Variants in NECAB1 observed in about 807,000 individuals in gnomAD.
NECAB1 encodes N-terminal EF-hand calcium binding protein 1, also known as N-terminal EF-hand calcium-binding protein 1.
In NECAB1, 29 loss-of-function variants were observed where a neutral mutation model predicts 57.5. That is an observed-to-expected ratio of 0.50 (90% CI 0.38 to 0.69). The LOEUF is 0.69. NECAB1 is among the 30% of genes least tolerant of loss of function. The pLI is 0.00. For missense variants in NECAB1, 372 were observed against 413.8 expected, an observed-to-expected ratio of 0.90 and a Z score of 0.88; for synonymous variants, 142 against 147.7, an observed-to-expected ratio of 0.96 and a Z score of 0.28.
intron 6 of NECAB1, among the ~76,000 whole-genome samples, chr8:90,922,217 T>C (rs571920310): frequency 1.3e-5 from 2 of 152,370 alleles, no homozygotes; most frequent in East Asian, 3.9e-4. Flanking sequence ...GTTTTCATTA[T>C]ATGTGGATTT....
intron 3 of NECAB1, among the ~76,000 whole-genome samples, chr8:90,827,138 T>A (rs1359984008): frequency 6.6e-6 from 1 of 152,044 alleles, no homozygotes; most frequent in Non-Finnish European, 1.5e-5. Flanking sequence ...CTTTGCATGA[T>A]CCAAGTTTTA....
At chr8:90,808,019 T>A (rs1300590498) in intron 2 of NECAB1, among the ~76,000 whole-genome samples, 1 of 60,716 alleles carries the variant, frequency 1.6e-5, no homozygotes, top group South Asian at 5.5e-4. Context: ...ATAGTATGAC[T>A]TTTTTTTTCT....
intron 2 of NECAB1, among the ~76,000 whole-genome samples, chr8:90,808,963 T>C (rs1811906730): frequency 6.6e-6 from 1 of 152,056 alleles, no homozygotes; most frequent in South Asian, 2.1e-4. Context: ...CTAATTCTTA[T>C]TCTTATTTGG....
At chr8:90,860,846 C>G (rs1188365880) in intron 3 of NECAB1, among the ~76,000 whole-genome samples, 1 of 152,014 alleles carries the variant, frequency 6.6e-6, no homozygotes, top group African/African-American at 2.4e-5. Flanking sequence ...GGAGCAGGAA[C>G]AAAGCTATGA....
intron 3 of NECAB1, among the ~76,000 whole-genome samples, chr8:90,851,858 A>G (rs970654386): frequency 6.6e-6 from 1 of 152,156 alleles, no homozygotes; most frequent in Non-Finnish European, 1.5e-5. Flanking sequence ...AATTTATAAT[A>G]ACATGTACCC....
At chr8:90,874,394 A>G (rs1228179101) in intron 4 of NECAB1, among the ~76,000 whole-genome samples, 1 of 152,196 alleles carries the variant, frequency 6.6e-6, no homozygotes, top group Non-Finnish European at 1.5e-5. Context: ...ATGTGTTTGT[A>G]ATTTTAATTG....
chr8:90,839,579 A>G (rs1812423013), intron 3 of NECAB1, among the ~76,000 whole-genome samples: 1 of 152,226 alleles, frequency 6.6e-6, no homozygotes, highest in African/African-American at 2.4e-5. Flanking sequence ...AGGACCTCTT[A>G]GAGAAGCCAT....
chr8:90,943,407 TCAGA>T, intron 10 of NECAB1, among the ~76,000 whole-genome samples: 2 of 152,194 alleles, frequency 1.3e-5, no homozygotes, highest in Admixed American at 1.3e-4. Context: ...GTAGACTATA[TCAGA>T]TGGAATGAGC....
At chr8:90,933,797 A>C (rs144850462) in intron 8 of NECAB1, among the ~76,000 whole-genome samples, 142 of 152,278 alleles carry the variant, frequency 9.3e-4, no homozygotes, top group Non-Finnish European at 1.7e-3. Context: ...GCAAATGTCA[A>C]TCGTATTTTC....
At chr8:90,794,716 T>C (rs949710102) in intron 1 of NECAB1, among the ~76,000 whole-genome samples, 3 of 152,200 alleles carry the variant, frequency 2.0e-5, no homozygotes, top group Admixed American at 2.0e-4. Context: ...GTTGTGAGTA[T>C]GAAATAAGGG....
chr8:90,895,164 G>C (rs2129981463), intron 5 of NECAB1, among the ~76,000 whole-genome samples: 1 of 152,204 alleles, frequency 6.6e-6, no homozygotes. Flanking sequence ...AAATATAAAG[G>C]AACAACTAAA....
chr8:90,801,756 A>G (rs1273184528), intron 2 of NECAB1, 41 bp downstream of exon 2: 4 of 1,274,550 alleles, frequency 3.1e-6, no homozygotes, highest in Non-Finnish European at 4.4e-6. Flanking sequence ...TTAATCTCTT[A>G]CATTTTATAT....
In NECAB1 at chr8:90,917,517, A is replaced by G. The variant is rs753930235; in HGVS notation, c.383A>G (p.Glu128Gly). ...GACTACCAAGAAGCCTCCAATTTGG[A>G]ACAATTCGTAACTAGATTTTTATTG... ...KKDYQEASNL[E>G]QFVTRFLLKE... Residue 128 changes from glutamate (E) to glycine (G), a missense_variant, in exon 6 of 13, where the codon GAA becomes GGA. By Grantham distance (98) the Glu-to-Gly change is moderately conservative. Transcript: ENST00000417640. 4 of 1,610,938 alleles carry G rather than the reference A, an allele frequency of 2.5e-6. No homozygotes were observed. Among genetic ancestry groups the G allele is most frequent in the Non-Finnish European group, 3.4e-6 (4 of 1,178,172 alleles).
chr8:90,906,885 A>ATATGTATATATATATATATGTG (rs1554574058), intron 5 of NECAB1, among the ~76,000 whole-genome samples: 1 of 120,926 alleles, frequency 8.3e-6, no homozygotes, highest in African/African-American at 3.5e-5. Context: ...ACATATATAT[A>ATATGTATATATATATATATGTG]TATATATATA....
intron 2 of NECAB1, among the ~76,000 whole-genome samples, chr8:90,805,323 A>G (rs1338797305): frequency 6.6e-6 from 1 of 152,166 alleles, no homozygotes; most frequent in Non-Finnish European, 1.5e-5. Context: ...TTGGTGACAG[A>G]ATAACGAAAG....
intron 12 of NECAB1, among the ~76,000 whole-genome samples, chr8:90,953,380 A>C (rs1810957549): frequency 6.6e-6 from 1 of 152,220 alleles, no homozygotes; most frequent in South Asian, 2.1e-4. Context: ...AGCATTTCCT[A>C]ATTTAGAAAG....
chr8:90,824,850 T>G (rs1450954544), intron 3 of NECAB1, 25 bp downstream of exon 3: 8 of 1,211,888 alleles, frequency 6.6e-6, no homozygotes, highest in Middle Eastern at 1.9e-4. Flanking sequence ...TATCACTGGA[T>G]TCCACAAGTG....
Position 90,855,452 on chromosome 8 carries a change from G to A in NECAB1, c.234-16676G>A, listed in dbSNP as rs115248977. On this transcript the variant is annotated intron_variant, in intron 3 of 12. Transcript: ENST00000417640. ...GAGATATGCAAAAAGGCATGAACTG[G>A]TTGGATTAAGGAGTCATTATGGTCC... Among the ~76,000 whole-genome samples, 525 of 152,280 alleles carry A rather than the reference G, an allele frequency of 3.4e-3. 4 individuals are homozygous for A. Among genetic ancestry groups the A allele is most frequent in the African/African-American group, 0.012 (486 of 41,552 alleles).
In NECAB1 at chr8:90,843,589, G is replaced by A. The variant is rs538700136; in HGVS notation, c.233+18764G>A. The stretch of plus-strand genomic sequence containing the variant: ...ACAACTGACTATTATACGCTCATCC[G>A]CCAGAACAGTGAGACAAAGTAGGTG... On this transcript the variant is annotated intron_variant, in intron 3 of 12. Transcript: ENST00000417640. 1.2e-4 allele frequency among the ~76,000 whole-genome samples: 19 copies of A among 152,232 alleles called. 1 individual carries two copies. Among genetic ancestry groups the A allele is most frequent in the East Asian group, 3.9e-4 (2 of 5,182 alleles).
Sources: allele counts gnomAD v4.1 joint callset (sites outside exome capture counted in the v4.1 genomes callset), GRCh38; gene constraint gnomAD v4.1.1; transcripts MANE v1.5; gene names NCBI Gene and HGNC (gene_info 2026-07-23, HGNC 2026-07-21).